ATP1A3: variants seen among roughly 807,000 people sequenced by gnomAD.
ATP1A3 encodes the protein sodium/potassium-transporting ATPase subunit alpha-3.
Under a neutral mutation model 108.8 loss-of-function variants are expected in ATP1A3, and 12 were observed. That is an observed-to-expected ratio of 0.11 (90% CI 0.07 to 0.18). The LOEUF (loss-of-function observed/expected upper bound fraction) is 0.18, where lower values mean the gene tolerates loss of function less well. Ranked by LOEUF, ATP1A3 falls within the 10% of genes least tolerant of loss-of-function variation. ATP1A3 has a pLI of 1.00. For missense variants in ATP1A3, 498 were observed against 1,387.7 expected, an observed-to-expected ratio of 0.36 and a Z score of 10.19; for synonymous variants, 539 against 564.5, an observed-to-expected ratio of 0.95 and a Z score of 0.64.
intron 16 of ATP1A3, among the ~76,000 whole-genome samples, chr19:41,972,786 GGGAA>G (rs1428034967): frequency 2.8e-5 from 4 of 144,248 alleles, no homozygotes; most frequent in South Asian, 2.3e-4. Flanking sequence ...GGAGGGGAGG[GGGAA>G]GGAAGGAAGG....
At chr19:41,970,642 T>C in intron 16 of ATP1A3, 100 bp from the exon 17 acceptor site, 1 of 1,420,362 alleles carries the variant, frequency 7.0e-7, no homozygotes, top group Non-Finnish European at 9.5e-7. Context: ...TTTTTTTTTT[T>C]TTTTTTTGAG....
chr19:41,994,189 C>CGCGT lies in ATP1A3; in HGVS notation c.-117_-114dup. 2 of 1,034,506 alleles carry CGCGT rather than the reference C, an allele frequency of 1.9e-6. No homozygotes were observed. Among genetic ancestry groups the CGCGT allele is most frequent in the Non-Finnish European group, 2.6e-6 (2 of 758,166 alleles). The allele number at this position is 1,034,506 out of a possible 1,614,324, so 64.1% of individuals were successfully genotyped here. ...CAGCGCCCGCGCCTCGGTAGGTGCG[C>CGCGT]GCGTCCGTCCGTCCGTCCGTTGGTC... is the stretch of plus-strand genomic sequence containing the variant. On this transcript the variant is annotated 5_prime_UTR_variant, in exon 1 of 23. Transcript: ENST00000648268.
chr19:41,974,120 A>G (rs1206711373), intron 16 of ATP1A3, among the ~76,000 whole-genome samples: 3 of 152,058 alleles, frequency 2.0e-5, no homozygotes, highest in African/African-American at 7.2e-5. Context: ...AATTCTAGCT[A>G]CTCGGGAGGC....
At chr19:41,986,360 GGTTATGAGGGTTGGT>G in intron 4 of ATP1A3, 131 bp from the exon 5 acceptor site, 1 of 803,698 alleles carries the variant, frequency 1.2e-6, no homozygotes. Context: ...ACCCTAGGTT[GGTTATGAGGGTTGGT>G]GTGTCTGAGT....
intron 1 of ATP1A3, among the ~76,000 whole-genome samples, chr19:41,991,997 A>G (rs1432511116): frequency 9.9e-5 from 5 of 50,642 alleles, no homozygotes; most frequent in Admixed American, 2.6e-4. Context: ...GGACTCCTGG[A>G]TCTGAGGGAG....
Position 41,993,281 on chromosome 19 carries a change from CACAG to C in ATP1A3, c.6+786_6+789del, listed in dbSNP as rs1228186857. The C allele has an allele frequency of 6.2e-6, 7 of 1,125,864 alleles. No homozygotes were observed. The East Asian group carries it at 1.6e-4, about 25-fold the overall frequency. 69.7% of individuals were successfully genotyped at this position (1,125,864 alleles called of 1,614,324 possible). On this transcript the variant is annotated intron_variant, in intron 1 of 22. Transcript: ENST00000648268. ...GGAGGCGGCATCTGCTGGAGAGACT[CACAG>C]ACAGACAAGGACACACGGACACAGA...
rs374542368 is a variant in ATP1A3 at position 41,981,905 on chromosome 19, C to G, written c.1192+3G>C. 4 of 1,614,230 alleles carry G rather than the reference C, an allele frequency of 2.5e-6. No individual in the cohort carries two copies. The highest frequency in any genetic ancestry group is 3.4e-6 in the Non-Finnish European group (4 of 1,180,046). The stretch of plus-strand genomic sequence containing the variant: ...ATGGTCCTCACCCGGGGCCTGCGCT[C>G]ACCTGACTGGTCCTCAGTGGTGTCA... On this transcript the variant is annotated splice_donor_region_variant and intron_variant, in intron 9 of 22. Coordinates refer to ENST00000648268, the MANE Select transcript of ATP1A3 (RefSeq NM_152296.5). This position sits in a 1 kb window ranked among gnomAD's most constrained non-coding sequence, Gnocchi z 5.0.
chr19:41,973,879 C>A (rs1284366469), intron 16 of ATP1A3, among the ~76,000 whole-genome samples: 1 of 152,114 alleles, frequency 6.6e-6, no homozygotes, highest in South Asian at 2.1e-4. Flanking sequence ...CGTGGTGGCT[C>A]ATGCCTGTAA....
At position 41,981,427 on chromosome 19, in the gene ATP1A3, G is replaced by C; in HGVS notation, c.1437+75C>G. 1 of 1,606,850 alleles carries C rather than the reference G, an allele frequency of 6.2e-7. No homozygotes were observed. Among genetic ancestry groups the C allele is most frequent in the Non-Finnish European group, 8.5e-7 (1 of 1,174,110 alleles). On this transcript the variant is annotated intron_variant, in intron 11 of 22. Transcript: ENST00000648268. The surrounding 1 kb of genome is among the most constrained non-coding windows in gnomAD (Gnocchi z 5.0). ...CCATTTTACAGACGGGAAAATCAAG[G>C]CTCTATGACACCTCTTTACAGGCGT... is the stretch of plus-strand genomic sequence containing the variant.
At chr19:41,986,078 T>C in intron 5 of ATP1A3, 38 bp downstream of exon 5, 2 of 1,614,034 alleles carry the variant, frequency 1.2e-6, no homozygotes, top group South Asian at 1.1e-5. Flanking sequence ...GCCCATACAC[T>C]AACACCCCCG....
rs1317600330 is a variant in ATP1A3, at chr19:41,985,742, C to T, written c.606+122G>A. ...AGGGAGGAGGGCCTGGGGGCCTGGA[C>T]TCCTGGGTCTGAGGGAGGAGGGGTT... On this transcript the variant is annotated intron_variant, in intron 6 of 22. Transcript: ENST00000648268. This position sits in a 1 kb window ranked among gnomAD's most constrained non-coding sequence, Gnocchi z 8.2. 60 of 1,456,992 alleles carry T rather than the reference C, an allele frequency of 4.1e-5. No homozygotes were observed. The East Asian group carries it at 7.9e-4, about 19-fold the overall frequency. 90.3% of individuals were successfully genotyped at this position (1,456,992 alleles called of 1,614,324 possible).
rs2075309289 is a variant in ATP1A3 at position 41,988,693 on chromosome 19, CTCTG to C, written c.7-135_7-132del. 4 of 1,557,110 alleles carry C rather than the reference CTCTG, an allele frequency of 2.6e-6. No homozygotes were observed. The highest frequency in any genetic ancestry group is 2.3e-5 in the East Asian group (1 of 43,616). On this transcript the variant is annotated intron_variant, in intron 1 of 22. Transcript: ENST00000648268. This position sits in a 1 kb window ranked among gnomAD's most constrained non-coding sequence, Gnocchi z 5.3. ...GCCCCTGCATCTCTGGGTGGGGGGT[CTCTG>C]TCTGCCTCTCGGGGTCTCCCTGTGT...
chr19:41,982,799 A>C (rs2075248133), intron 8 of ATP1A3, among the ~76,000 whole-genome samples: 2 of 152,222 alleles, frequency 1.3e-5, no homozygotes, highest in Admixed American at 1.3e-4. Flanking sequence ...GCCAGAAATG[A>C]GTTCATACTG....
chr19:41,971,019 C>T (rs1396132118), intron 16 of ATP1A3, among the ~76,000 whole-genome samples: 1 of 151,770 alleles, frequency 6.6e-6, no homozygotes, highest in African/African-American at 2.4e-5. Flanking sequence ...GGCTGCAGTG[C>T]AGTGGCATGA....
Position 41,967,900 on chromosome 19 carries a change from G to A in ATP1A3, c.2820-137C>T. 2 of 762,638 alleles carry A rather than the reference G, an allele frequency of 2.6e-6. No individual in the cohort carries two copies. Among genetic ancestry groups the A allele is most frequent in the Non-Finnish European group, 4.6e-6 (2 of 431,258 alleles). The allele number at this position is 762,638 out of a possible 1,614,324, so 47.2% of individuals were successfully genotyped here. ...ACAGAGACAGAGAGGCAGAGACATA[G>A]GGAGAGACAGAGATGGGGAGACATG... On this transcript the variant is annotated intron_variant, in intron 20 of 22. Transcript: ENST00000648268. The surrounding 1 kb of genome is among the most constrained non-coding windows in gnomAD (Gnocchi z 4.2).
intron 16 of ATP1A3, among the ~76,000 whole-genome samples, chr19:41,972,060 G>A (rs888633687): frequency 7.9e-5 from 12 of 152,068 alleles, no homozygotes; most frequent in African/African-American, 2.9e-4. Context: ...GACCAGCCTG[G>A]CCAACATGAT....
Position 41,967,368 on chromosome 19 carries a change from A to G in ATP1A3, c.2922-28T>C. The G allele has an allele frequency of 6.3e-7, 1 of 1,598,654 alleles. No homozygotes were observed. The highest frequency in any genetic ancestry group is 1.3e-5 in the African/African-American group (1 of 74,946). On this transcript the variant is annotated intron_variant, in intron 21 of 22. Coordinates refer to ENST00000648268, the MANE Select transcript of ATP1A3 (RefSeq NM_152296.5). The surrounding 1 kb of genome is among the most constrained non-coding windows in gnomAD (Gnocchi z 4.2). ...GCAGAGGGGAGAGCAGGAGGGCTTG[A>G]GTGCGGGGCCCTAACGAGAGGCAGA...
chr19:41,970,167 G>A lies in ATP1A3; in HGVS notation c.2542+18C>T. 1.2e-6 allele frequency: 2 copies of A among 1,614,212 alleles called. No individual in the cohort carries two copies. Among genetic ancestry groups the A allele is most frequent in the Non-Finnish European group, 1.7e-6 (2 of 1,180,036 alleles). ...CCCGGCACTGGGTGGTAAGGAGATG[G>A]AGTCCCCGGTGCCTCACCAATCTGC... On this transcript the variant is annotated intron_variant, in intron 18 of 22. Coordinates refer to ENST00000648268, the MANE Select transcript of ATP1A3 (RefSeq NM_152296.5).
chr19:41,993,661 C>A (rs559850486), intron 1 of ATP1A3: 1 of 632,952 alleles, frequency 1.6e-6, no homozygotes, highest in Non-Finnish European at 2.7e-6. Context: ...GCCTCAATAA[C>A]CCCAGACGCA....
Sources: allele counts gnomAD v4.1 joint callset (sites outside exome capture counted in the v4.1 genomes callset), GRCh38; gene constraint gnomAD v4.1.1; non-coding constraint Gnocchi (gnomAD v3.1); transcripts MANE v1.5; gene names NCBI Gene and HGNC (gene_info 2026-07-23, HGNC 2026-07-21).